OBP2A: variants seen among roughly 807,000 people sequenced by gnomAD.
The protein encoded by OBP2A is odorant binding protein 2A, also known as odorant-binding protein 2a.
In OBP2A, 15 loss-of-function variants were observed where a neutral mutation model predicts 21.9. That is an observed-to-expected ratio of 0.69 (90% CI 0.46 to 1.06). The LOEUF is 1.06. Ranked by LOEUF, OBP2A falls within the 50% of genes least tolerant of loss-of-function variation. OBP2A has a pLI of 0.00. For missense variants in OBP2A, 192 were observed against 220.1 expected (o/e 0.87, Z 0.81); for synonymous variants, 86 against 91.8 (o/e 0.94, Z 0.36).
rs1369235020 is a variant in OBP2A at position 135,546,195 on chromosome 9, C to T, written c.15C>T (p.Phe5=). 2.0e-6 allele frequency: 3 copies of T among 1,498,430 alleles called. No individual in the cohort carries two copies. The South Asian group carries it at 3.6e-5, about 18-fold the overall frequency. 92.8% of individuals were successfully genotyped at this position (1,498,430 alleles called of 1,614,324 possible). A position where few individuals can be genotyped will look rare whatever the true frequency, so the allele number is the denominator to read the frequency against. MKTL[F]LGVTLGLAAA... The stretch of plus-strand genomic sequence containing the variant: ...GAGCTCTGGAGATGAAGACCCTGTT[C>T]CTGGGTGTCACGCTCGGCCTGGCCG... Residue 5 remains phenylalanine, a synonymous_variant, in exon 1 of 7, where the codon TTC becomes TTT. Coordinates refer to ENST00000371776, the MANE Select transcript of OBP2A (RefSeq NM_014582.3).
At chr9:135,548,900 C>G in intron 5 of OBP2A, 91 bp downstream of exon 5, 1 of 1,377,666 alleles carries the variant, frequency 7.3e-7, no homozygotes, top group Non-Finnish European at 1.0e-6. Flanking sequence ...CCATGTCCCC[C>G]GCATTCCCCG....
chr9:135,547,154 G>GC (rs1831960663), intron 2 of OBP2A, 24 bp from the exon 3 acceptor site: 1 of 1,606,908 alleles, frequency 6.2e-7, no homozygotes, highest in Non-Finnish European at 8.5e-7. Context: ...GGGAGCCGCT[G>GC]CCCGAGTGTC....
chr9:135,548,084 C>A lies in OBP2A; in HGVS notation c.388+103C>A, dbSNP rs549165693. ...GCCCTGGCACGGGGGGAAAAGGAAG[C>A]CCCCTGCGCCGGCCTTCGTGTGCTA... On this transcript the variant is annotated intron_variant, in intron 4 of 6. Coordinates refer to ENST00000371776, the MANE Select transcript of OBP2A (RefSeq NM_014582.3). 2.2e-4 allele frequency: 175 copies of A among 806,518 alleles called. 1 individual carries two copies. The South Asian group carries it at 2.9e-3, about 14-fold the overall frequency. 50.0% of individuals were successfully genotyped at this position (806,518 alleles called of 1,614,324 possible). A position where few individuals can be genotyped will look rare whatever the true frequency, so the allele number is the denominator to read the frequency against.
intron 4 of OBP2A, 185 bp from the exon 5 acceptor site, chr9:135,548,523 C>A (rs1832016488): frequency 3.9e-6 from 3 of 763,928 alleles, no homozygotes; most frequent in Non-Finnish European, 6.2e-6. Context: ...GGCCTCCTCT[C>A]CCCCTTGCCT....
chr9:135,548,245 C>CACCTTAAG (rs1402649192), intron 4 of OBP2A, among the ~76,000 whole-genome samples: 4 of 152,126 alleles, frequency 2.6e-5, no homozygotes, highest in Non-Finnish European at 4.4e-5. Flanking sequence ...GTAGGGGCCT[C>CACCTTAAG]ACCTTAAGGG....
intron 4 of OBP2A, 182 bp from the exon 5 acceptor site, chr9:135,548,526 C>T (rs1229933012): frequency 3.8e-6 from 3 of 786,682 alleles, no homozygotes; most frequent in East Asian, 2.7e-5. Context: ...CTCCTCTCCC[C>T]CTTGCCTGGT....
At chr9:135,547,780 C>T (rs1831981972) in intron 3 of OBP2A, 91 bp from the exon 4 acceptor site, 1 of 1,033,166 alleles carries the variant, frequency 9.7e-7, no homozygotes, top group South Asian at 1.6e-5. Flanking sequence ...TGGGTGACCA[C>T]TGAAACATTC....
rs1564239746 is a variant in OBP2A, at chr9:135,548,041, T to C, written c.388+60T>C. 8 of 1,246,786 alleles carry C rather than the reference T, an allele frequency of 6.4e-6. No individual in the cohort carries two copies. The East Asian group carries it at 1.4e-4, about 23-fold the overall frequency. 77.2% of individuals were successfully genotyped at this position (1,246,786 alleles called of 1,614,324 possible). On this transcript the variant is annotated intron_variant, in intron 4 of 6. Coordinates refer to ENST00000371776, the MANE Select transcript of OBP2A (RefSeq NM_014582.3). Reference sequence around the variant, plus strand: ...CATGGTCTCTGCCTCCAGAAGCCAGTGGAACCACCATCATCACGCCCTGGC... The same window carrying C: ...CATGGTCTCTGCCTCCAGAAGCCAGCGGAACCACCATCATCACGCCCTGGC...
Position 135,546,878 on chromosome 9 carries a change from G to C in OBP2A, c.173G>C (p.Gly58Ala). 1 of 1,613,838 alleles carries C rather than the reference G, an allele frequency of 6.2e-7. No homozygotes were observed. The highest frequency in any genetic ancestry group is 2.2e-5 in the East Asian group (1 of 44,868). The change falls in exon 2 of 7, where the codon GGC becomes GCC. Residue 58 changes from glycine to alanine, a missense_variant. By Grantham distance (60) the Gly-to-Ala change is moderately conservative. Coordinates refer to ENST00000371776, the MANE Select transcript of OBP2A (RefSeq NM_014582.3). ...TCCCCAGTGAAGGTGACAGCCCTGG[G>C]CGGTGGGAACTTGGAAGCCACGTTC... ...KVSPVKVTAL[G>A]GGNLEATFTF... is the part of the protein sequence containing the mutation.
chr9:135,548,502 G>GA (rs1832015508), intron 4 of OBP2A: 1 of 590,742 alleles, frequency 1.7e-6, no homozygotes, highest in Non-Finnish European at 2.9e-6. Flanking sequence ...CTGAGCTCTT[G>GA]TCCATTCTCA....
Position 135,549,410 on chromosome 9 carries a change from C to T in OBP2A, c.*1+79C>T. ...GGTTCGAGGGTACATCTGCTCTGGCCCTTCCCATCCCACACAGCCAGGGAG... is the reference window on the plus strand; with the variant it reads ...GGTTCGAGGGTACATCTGCTCTGGCTCTTCCCATCCCACACAGCCAGGGAG... On this transcript the variant is annotated intron_variant, in intron 6 of 6. Transcript: ENST00000371776. The T allele has an allele frequency of 5.4e-6, 7 of 1,291,252 alleles. 1 individual carries two copies. The South Asian group carries it at 8.6e-5, about 16-fold the overall frequency. 80.0% of individuals were successfully genotyped at this position (1,291,252 alleles called of 1,614,324 possible). A position where few individuals can be genotyped will look rare whatever the true frequency, so the allele number is the denominator to read the frequency against.
intron 3 of OBP2A, among the ~76,000 whole-genome samples, 196 bp downstream of exon 3, chr9:135,547,444 A>C (rs72766537): frequency 0.21 from 31,370 of 152,182 alleles, 3,584 homozygotes; most frequent in Non-Finnish European, 0.26. Context: ...TGTCCACAGT[A>C]GAGATGGACC....
rs546757610 is a variant in OBP2A, at chr9:135,547,016, A to AC, written c.206+110dup. On this transcript the variant is annotated intron_variant, in intron 2 of 6. Coordinates refer to ENST00000371776, the MANE Select transcript of OBP2A (RefSeq NM_014582.3). Reference sequence around the variant, plus strand: ...CACATTTCGGGTGTTGGGAAGAGTCACCCCCTGCCTTGGAGGGAAACAGCC... The same window carrying AC: ...CACATTTCGGGTGTTGGGAAGAGTCACCCCCCTGCCTTGGAGGGAAACAGCC... The AC allele has an allele frequency of 4.5e-4, 713 of 1,577,932 alleles. 7 individuals are homozygous for AC. The South Asian group carries it at 5.6e-3, about 12-fold the overall frequency.
At chr9:135,548,911 T>G (rs1468357938) in intron 5 of OBP2A, 102 bp downstream of exon 5, 2 of 1,257,602 alleles carry the variant, frequency 1.6e-6, no homozygotes, top group Non-Finnish European at 1.2e-6. Context: ...GCATTCCCCG[T>G]GTGCCCCGAG....
rs1259522591 is a variant in OBP2A, at chr9:135,548,812, G to A, written c.490+3G>A. 2 of 1,613,596 alleles carry A rather than the reference G, an allele frequency of 1.2e-6. No individual in the cohort carries two copies. Among genetic ancestry groups the A allele is most frequent in the African/African-American group, 2.7e-5 (2 of 74,924 alleles). On this transcript the variant is annotated splice_donor_region_variant and intron_variant, in intron 5 of 6. Coordinates refer to ENST00000371776, the MANE Select transcript of OBP2A (RefSeq NM_014582.3). ...CATTTTCATGCCCCTGCAGACGGGT[G>A]AGGACGGCTGTGCCCAGTACCCCGT... is the stretch of plus-strand genomic sequence containing the variant.
chr9:135,547,818 T>C, intron 3 of OBP2A, 53 bp from the exon 4 acceptor site: 2 of 1,347,614 alleles, frequency 1.5e-6, no homozygotes, highest in Non-Finnish European at 2.1e-6. Context: ...TGGTCCTGAG[T>C]GCTCTCTCCG....
At chr9:135,549,522 C>T in intron 6 of OBP2A, 191 bp downstream of exon 6, 1 of 653,910 alleles carries the variant, frequency 1.5e-6, no homozygotes, top group South Asian at 1.9e-5. Flanking sequence ...TTTGTTTTAC[C>T]ATTCCTGCAC....
At chr9:135,549,679 G>A in intron 6 of OBP2A, 158 bp from the exon 7 acceptor site, 2 of 597,830 alleles carry the variant, frequency 3.3e-6, no homozygotes, top group Non-Finnish European at 5.9e-6. Flanking sequence ...ATGCTCAGAG[G>A]CCTGCCCAGT....
At position 135,547,077 on chromosome 9, in the gene OBP2A, T is replaced by C. The variant is rs1346399720; in HGVS notation, c.207-101T>C. 17 of 1,471,878 alleles carry C rather than the reference T, an allele frequency of 1.2e-5. No individual in the cohort carries two copies. In the African/African-American group the frequency reaches 2.1e-4, roughly 18 times the overall value. 91.2% of individuals were successfully genotyped at this position (1,471,878 alleles called of 1,614,324 possible). On this transcript the variant is annotated intron_variant, in intron 2 of 6. Coordinates refer to ENST00000371776, the MANE Select transcript of OBP2A (RefSeq NM_014582.3). ...GAAGCTCGGTGGGGTGGGGGGGCAG[T>C]GGAATTTTCAGGTTGCCGGGTCAGG... is the stretch of plus-strand genomic sequence containing the variant.
Sources: allele counts gnomAD v4.1 joint callset (sites outside exome capture counted in the v4.1 genomes callset), GRCh38; gene constraint gnomAD v4.1.1; transcripts MANE v1.5; gene names NCBI Gene and HGNC (gene_info 2026-07-23, HGNC 2026-07-21).